Variants in EVC observed in about 807,000 individuals in gnomAD.
EVC encodes evC complex member EVC.
Under a neutral mutation model 118.9 loss-of-function variants are expected in EVC, and 116 were observed. The ratio of observed to expected loss-of-function variants is 0.98; its 90% CI spans 0.84 to 1.14. EVC has a LOEUF of 1.14. Among genes scored for constraint, EVC ranks in the 50% most tolerant of loss-of-function variants. The pLI is 0.00. For missense variants in EVC, 1,401 were observed against 1,246.4 expected, an observed-to-expected ratio of 1.12 and a Z score of -1.87; for synonymous variants, 619 against 534.7, an observed-to-expected ratio of 1.16 and a Z score of -2.18.
rs527504945 is a variant in EVC, at chr4:5,799,489, G to A, written c.2304+697G>A. ...TGATACATTTCCAGCCTCCAACCTA[G>A]TGAGTGGCAGCGCCGGGGCTGCAGG... is the stretch of plus-strand genomic sequence containing the variant. On this transcript the variant is annotated intron_variant, in intron 15 of 20. Transcript: ENST00000264956. Among the ~76,000 whole-genome samples the A allele has an allele frequency of 8.5e-5, 13 of 152,328 alleles. No homozygotes were observed. The South Asian group carries it at 2.5e-3, about 29-fold the overall frequency.
chr4:5,754,249 C>G lies in EVC; in HGVS notation c.1464+316C>G, dbSNP rs1325043128. On this transcript the variant is annotated intron_variant, in intron 10 of 20. Coordinates refer to ENST00000264956, the MANE Select transcript of EVC (RefSeq NM_153717.3). The surrounding 1 kb of genome is among the most constrained non-coding windows in gnomAD (Gnocchi z 5.8). ...GATGGTGGCAATGGCGTGAAGGGAGCAATGTGTGGCCCAGAGGGGACAAGC... is the reference window on the plus strand; with the variant it reads ...GATGGTGGCAATGGCGTGAAGGGAGGAATGTGTGGCCCAGAGGGGACAAGC... Among the ~76,000 whole-genome samples, 2 of 152,152 alleles carry G rather than the reference C, an allele frequency of 1.3e-5. No homozygotes were observed. The highest frequency in any genetic ancestry group is 3.9e-4 in the East Asian group (2 of 5,172).
chr4:5,773,225 C>T (rs1338211300), intron 11 of EVC, among the ~76,000 whole-genome samples: 1 of 152,200 alleles, frequency 6.6e-6, no homozygotes, highest in Non-Finnish European at 1.5e-5. Flanking sequence ...GTCCAGGTAA[C>T]TATGATCACA....
In EVC at chr4:5,809,540, C is replaced by G. The variant is rs1258006198; in HGVS notation, c.2711C>G (p.Ser904Cys). The change falls in exon 19 of 21, where the codon TCC becomes TGC. Residue 904 changes from serine to cysteine, a missense_variant. Coordinates refer to ENST00000264956, the MANE Select transcript of EVC (RefSeq NM_153717.3). The part of the protein sequence containing the change: ...QLQEAEQNFI[S>C]ELAALARVPL... Reference sequence around the variant, plus strand: ...CAGGAAGCTGAACAGAACTTCATCTCCGAGCTGGCAGCCTTGGCCCGAGTG... The same window carrying G: ...CAGGAAGCTGAACAGAACTTCATCTGCGAGCTGGCAGCCTTGGCCCGAGTG... The G allele has an allele frequency of 6.2e-7, 1 of 1,614,194 alleles. No homozygotes were observed. Among genetic ancestry groups the G allele is most frequent in the Non-Finnish European group, 8.5e-7 (1 of 1,180,046 alleles).
chr4:5,818,908 C>G (rs760283584), downstream of EVC, among the ~76,000 whole-genome samples: 4 of 152,192 alleles, frequency 2.6e-5, no homozygotes, highest in Non-Finnish European at 5.9e-5. Flanking sequence ...AACTAGCAAA[C>G]ACTACAAACA....
At chr4:5,728,230 G>A (rs1318407324) in intron 2 of EVC, among the ~76,000 whole-genome samples, 6 of 152,058 alleles carry the variant, frequency 3.9e-5, no homozygotes, top group African/African-American at 1.4e-4. Context: ...CCATTTGTTT[G>A]TATCCTCTTA....
the EVC span, chr4:5,825,311 G>A: frequency 1.0e-6 from 1 of 985,122 alleles, no homozygotes; most frequent in Non-Finnish European, 1.2e-6. The surrounding 1 kb of genome is among the most constrained non-coding windows in gnomAD (Gnocchi z 4.4). Flanking sequence ...ACCCCCCTCT[G>A]CTTGGTGACC....
Position 5,793,682 on chromosome 4 carries a change from C to T in EVC, c.1851C>T (p.Arg617=), listed in dbSNP as rs967986192. 4.5e-6 allele frequency: 7 copies of T among 1,551,912 alleles called. No homozygotes were observed. The highest frequency in any genetic ancestry group is 2.4e-5 in the South Asian group (2 of 84,074). ...HLREDHEGTI[R]GVLGRLGGLT... ...GGGAGGACCACGAGGGCACCATCCG[C>T]GGCGTCTTGGGCCGACTGGGCGGCC... The change falls in exon 13 of 21, where the codon CGC becomes CGT. Residue 617 remains arginine (R), a synonymous_variant. Transcript: ENST00000264956.
chr4:5,793,303 G>A (rs1408836689), intron 12 of EVC, among the ~76,000 whole-genome samples: 1 of 152,048 alleles, frequency 6.6e-6, no homozygotes, highest in Non-Finnish European at 1.5e-5. Context: ...AAACACTGTT[G>A]GGACAATTAG....
the EVC span, chr4:5,826,844 C>T: frequency 1.3e-5 from 2 of 152,466 alleles, no homozygotes; most frequent in African/African-American, 2.4e-5. Flanking sequence ...TCCTGTCTCT[C>T]CATAGGAGGA....
chr4:5,815,392 G>C (rs893890159), downstream of EVC, among the ~76,000 whole-genome samples: 7 of 152,182 alleles, frequency 4.6e-5, no homozygotes, highest in Non-Finnish European at 2.9e-5. Context: ...GCATGGCATG[G>C]GGAATTGCAG....
In EVC at chr4:5,802,010, C is replaced by A; in HGVS notation, c.2365C>A (p.Leu789Met). The A allele has an allele frequency of 6.2e-7, 1 of 1,614,218 alleles. No individual in the cohort carries two copies. Among genetic ancestry groups the A allele is most frequent in the Non-Finnish European group, 8.5e-7 (1 of 1,180,044 alleles). ...CGTGACCAGCGCTGGTGTCAGCCGCCTGGTGCAGGCGTATTACCAGCAAAT... is the reference window on the plus strand; with the variant it reads ...CGTGACCAGCGCTGGTGTCAGCCGCATGGTGCAGGCGTATTACCAGCAAAT... ...VYVTSAGVSR[L>M]VQAYYQQIGR... is the part of the protein sequence containing the mutation. The change falls in exon 16 of 21, where the codon CTG becomes ATG. Residue 789 changes from leucine (L) to methionine (M), a missense_variant. Physicochemically the swap from Leu to Met is conservative, Grantham distance 15. Coordinates refer to ENST00000264956, the MANE Select transcript of EVC (RefSeq NM_153717.3).
chr4:5,793,997 A>G (rs1370306108), intron 13 of EVC, among the ~76,000 whole-genome samples: 1 of 151,830 alleles, frequency 6.6e-6, no homozygotes, highest in African/African-American at 2.4e-5. Context: ...TTGTTAGTAA[A>G]TTTTACAGAG....
chr4:5,719,696 G>A lies in EVC; in HGVS notation c.300+323G>A, dbSNP rs927839241. Among the ~76,000 whole-genome samples the A allele has an allele frequency of 6.6e-6, 1 of 152,144 alleles. No individual in the cohort carries two copies. Among genetic ancestry groups the A allele is most frequent in the South Asian group, 2.1e-4 (1 of 4,826 alleles). On this transcript the variant is annotated intron_variant, in intron 2 of 20. Coordinates refer to ENST00000264956, the MANE Select transcript of EVC (RefSeq NM_153717.3). This position sits in a 1 kb window ranked among gnomAD's most constrained non-coding sequence, Gnocchi z 4.7. ...CCCATGCGTGGGATTTCCATTGATTGGTTCTGCAGTTCTGGAACCTTATGC... is the reference window on the plus strand; with the variant it reads ...CCCATGCGTGGGATTTCCATTGATTAGTTCTGCAGTTCTGGAACCTTATGC...
intron 11 of EVC, chr4:5,757,999 T>C: frequency 2.9e-6 from 2 of 686,838 alleles, no homozygotes; most frequent in South Asian, 3.1e-5. Flanking sequence ...GCTTTGCAGA[T>C]GTAATTGGTT....
At chr4:5,791,900 C>T (rs1302814342) in intron 12 of EVC, among the ~76,000 whole-genome samples, 2 of 152,216 alleles carry the variant, frequency 1.3e-5, no homozygotes, top group Non-Finnish European at 2.9e-5. Context: ...CCCCAGCCCA[C>T]ACCTGGGCCT....
rs191093422 is a variant in EVC at position 5,757,081 on chromosome 4, C to G, written c.1563+719C>G. On this transcript the variant is annotated intron_variant, in intron 11 of 20. Transcript: ENST00000264956. ...TGACCACAGGAGCATCACTTGGCCT[C>G]TAGCCCTCAGTTTCCCCATCTGTGA... Among the ~76,000 whole-genome samples, 32 of 152,310 alleles carry G rather than the reference C, an allele frequency of 2.1e-4. No homozygotes were observed. In the East Asian group the frequency reaches 6.2e-3, roughly 29 times the overall value.
chr4:5,715,218 T>C (rs1220688692), intron 1 of EVC, among the ~76,000 whole-genome samples: 1 of 152,228 alleles, frequency 6.6e-6, no homozygotes, highest in Non-Finnish European at 1.5e-5. Flanking sequence ...AGATATTTGA[T>C]CCATTTTATC....
the EVC span, among the ~76,000 whole-genome samples, chr4:5,819,468 T>C: frequency 6.6e-6 from 1 of 152,184 alleles, no homozygotes; most frequent in African/African-American, 2.4e-5. Context: ...AGCTACCAGG[T>C]CTCCTGTCCC....
intron 8 of EVC, among the ~76,000 whole-genome samples, chr4:5,751,887 C>T (rs141358906): frequency 6.6e-6 from 1 of 152,274 alleles, no homozygotes; most frequent in East Asian, 1.9e-4. Context: ...GCAGCCGGGA[C>T]CAGGCAGGTG....
Sources: allele counts gnomAD v4.1 joint callset (sites outside exome capture counted in the v4.1 genomes callset), GRCh38; gene constraint gnomAD v4.1.1; non-coding constraint Gnocchi (gnomAD v3.1); transcripts MANE v1.5; gene names NCBI Gene and HGNC (gene_info 2026-07-23, HGNC 2026-07-21).